Variants in OTUD7B observed in about 807,000 individuals in gnomAD.
OTUD7B encodes the protein OTU domain-containing protein 7B.
OTUD7B carries 34 observed loss-of-function variants against 82.2 expected under a neutral mutation model. The observed-to-expected ratio is 0.41, with a 90% confidence interval of 0.31 to 0.55. OTUD7B has a LOEUF of 0.55. Among genes scored for constraint, OTUD7B ranks in the 20% least tolerant of loss-of-function variants. OTUD7B has a pLI of 0.20. For missense variants in OTUD7B, 944 were observed against 1,062.1 expected, an observed-to-expected ratio of 0.89 and a Z score of 1.55; for synonymous variants, 398 against 402.7, an observed-to-expected ratio of 0.99 and a Z score of 0.14.
intron 1 of OTUD7B, among the ~76,000 whole-genome samples, chr1:150,008,923 A>C (rs1652837455): frequency 6.6e-6 from 1 of 152,218 alleles, no homozygotes; most frequent in African/African-American, 2.4e-5. Flanking sequence ...CTCTGAGGCA[A>C]GCTGGGTCAA....
At chr1:149,967,882 G>T (rs1553776963) in intron 3 of OTUD7B, among the ~76,000 whole-genome samples, 2 of 152,134 alleles carry the variant, frequency 1.3e-5, no homozygotes, top group African/African-American at 4.8e-5. Context: ...GGGAATAAGG[G>T]AAGTGAGGTT....
At chr1:150,032,933 T>A in the OTUD7B span, among the ~76,000 whole-genome samples, 1 of 152,236 alleles carries the variant, frequency 6.6e-6, no homozygotes. Flanking sequence ...ACATATACTT[T>A]ACTTGCTAAA....
At chr1:150,017,808 T>C in the OTUD7B span, among the ~76,000 whole-genome samples, 1 of 152,208 alleles carries the variant, frequency 6.6e-6, no homozygotes, top group Non-Finnish European at 1.5e-5. Flanking sequence ...TCTTTGTGAC[T>C]AATGGCCCAG....
intron 1 of OTUD7B, among the ~76,000 whole-genome samples, chr1:150,007,810 A>G (rs1201242401): frequency 6.6e-6 from 1 of 152,216 alleles, no homozygotes. Context: ...AATTTATCAG[A>G]GGCTACAAAA....
intron 1 of OTUD7B, among the ~76,000 whole-genome samples, chr1:149,994,002 TTC>T (rs1553782778): frequency 2.0e-5 from 3 of 152,198 alleles, no homozygotes; most frequent in Non-Finnish European, 2.9e-5. Context: ...CTGTTTTTCC[TTC>T]TCCTTTCCAC....
chr1:149,971,036 A>G, intron 3 of OTUD7B, 27 bp downstream of exon 3: 1 of 1,526,146 alleles, frequency 6.6e-7, no homozygotes, highest in South Asian at 1.2e-5. Flanking sequence ...TACTCCATAT[A>G]CGGAAACATT....
the OTUD7B span, among the ~76,000 whole-genome samples, chr1:150,056,000 T>TA: frequency 6.6e-6 from 1 of 152,080 alleles, no homozygotes; most frequent in Non-Finnish European, 1.5e-5. Flanking sequence ...GGTTTATCTA[T>TA]ATAACAAACC....
At chr1:149,991,809 A>C (rs923292153) in intron 1 of OTUD7B, among the ~76,000 whole-genome samples, 4 of 152,202 alleles carry the variant, frequency 2.6e-5, no homozygotes, top group Admixed American at 1.3e-4. Context: ...TATTCACAAA[A>C]ACTGCCTTTC....
intron 3 of OTUD7B, among the ~76,000 whole-genome samples, chr1:149,967,796 T>G (rs1553776952): frequency 6.6e-6 from 1 of 152,174 alleles, no homozygotes; most frequent in African/African-American, 2.4e-5. Context: ...CTGACTGTCT[T>G]CCTCCACTTC....
At chr1:150,033,271 T>A in the OTUD7B span, among the ~76,000 whole-genome samples, 2 of 152,192 alleles carry the variant, frequency 1.3e-5, no homozygotes, top group Non-Finnish European at 2.9e-5. Context: ...GTTATTGATA[T>A]CTGTATTATC....
In OTUD7B at chr1:149,950,799, C is replaced by CTTTTT. The variant is rs782415026; in HGVS notation, c.846-583_846-579dup. ...TCCCGTGTGTTTTTTGTTTTTTTTT[C>CTTTTT]TTTTTTTTTTTTGAGATAGAGTCTC... On this transcript the variant is annotated intron_variant, in intron 7 of 11. Transcript: ENST00000581312. Among the ~76,000 whole-genome samples the CTTTTT allele has an allele frequency of 6.2e-5, 8 of 128,284 alleles. 1 individual carries two copies. The highest frequency in any genetic ancestry group is 2.2e-4 in the East Asian group (1 of 4,506). 84.2% of individuals were successfully genotyped at this position (128,284 alleles called of 152,430 possible).
At chr1:150,050,070 C>T in the OTUD7B span, among the ~76,000 whole-genome samples, 1 of 151,912 alleles carries the variant, frequency 6.6e-6, no homozygotes, top group African/African-American at 2.4e-5. Flanking sequence ...AAAAAATTCT[C>T]CAGGCATGGT....
intron 10 of OTUD7B, 138 bp downstream of exon 10, chr1:149,948,831 T>G: frequency 3.2e-6 from 2 of 619,784 alleles, no homozygotes; most frequent in Non-Finnish European, 5.9e-6. Flanking sequence ...CAACCTCTCC[T>G]CTACCTCCCC....
chr1:149,994,213 GTAT>G (rs145153818), intron 1 of OTUD7B, among the ~76,000 whole-genome samples: 18,119 of 151,902 alleles, frequency 0.12, 1,677 homozygotes, highest in African/African-American at 0.26. Flanking sequence ...ACTTTCAAAT[GTAT>G]TATTACCTCA....
chr1:150,055,015 C>A, the OTUD7B span: 1 of 246,168 alleles, frequency 4.1e-6, no homozygotes, highest in Non-Finnish European at 8.1e-6. Flanking sequence ...TGGAATTTAT[C>A]CTTACAAATT....
the OTUD7B span, among the ~76,000 whole-genome samples, chr1:150,052,919 C>CA: frequency 6.6e-6 from 1 of 151,542 alleles, no homozygotes; most frequent in Non-Finnish European, 1.5e-5. Flanking sequence ...ACAAAGCTGA[C>CA]AAAAACAAGC....
At chr1:150,020,326 A>G in the OTUD7B span, among the ~76,000 whole-genome samples, 8,490 of 152,218 alleles carry the variant, frequency 0.056, 309 homozygotes, top group Non-Finnish European at 0.088. Flanking sequence ...ATTTGAGGTC[A>G]GGAGTTCGAG....
intron 1 of OTUD7B, among the ~76,000 whole-genome samples, chr1:149,991,033 G>A (rs1387615748): frequency 6.6e-6 from 1 of 151,914 alleles, no homozygotes; most frequent in African/African-American, 2.4e-5. Flanking sequence ...TACCCAGATA[G>A]CACAGAGGTT....
the OTUD7B span, among the ~76,000 whole-genome samples, chr1:150,034,392 A>C: frequency 1.3e-5 from 2 of 152,216 alleles, no homozygotes; most frequent in Non-Finnish European, 2.9e-5. Flanking sequence ...GTTAGAACTC[A>C]AAAATTACTC....
Sources: gnomAD v4.1 joint callset for allele counts (sites outside exome capture counted in the v4.1 genomes callset) on GRCh38, gnomAD v4.1.1 for gene constraint, MANE v1.5 for transcripts, NCBI Gene and HGNC (gene_info 2026-07-23, HGNC 2026-07-21) for gene names.